The following SLC45A2 variants were observed in gnomAD, a reference collection of about 807,000 sequenced individuals.
The protein encoded by SLC45A2 is solute carrier family 45 member 2.
Under a neutral mutation model 45.5 loss-of-function variants are expected in SLC45A2, and 36 were observed. The observed-to-expected ratio is 0.79, with a 90% CI of 0.61 to 1.04. SLC45A2 has a LOEUF of 1.04. Among genes scored for constraint, SLC45A2 ranks in the 50% least tolerant of loss-of-function variants. The pLI is 0.00. For missense variants in SLC45A2, 719 were observed against 671.0 expected (o/e 1.07, Z -0.79); for synonymous variants, 306 against 269.3 (o/e 1.14, Z -1.33).
At chr5:33,945,771 A>T in intron 6 of SLC45A2, 2 of 196,908 alleles carry the variant, frequency 1.0e-5, no homozygotes, top group Non-Finnish European at 1.8e-5. Context: ...CTGCGAGCTT[A>T]AATGATGATT....
intron 3 of SLC45A2, 174 bp downstream of exon 3, chr5:33,963,517 T>A: frequency 1.4e-6 from 1 of 697,054 alleles, no homozygotes; most frequent in Non-Finnish European, 2.4e-6. Context: ...ACATTTTTCT[T>A]TGAGATATAA....
Position 33,984,398 on chromosome 5 carries a change from G to A in SLC45A2, c.186C>T (p.Ser62=). Residue 62 remains serine, a synonymous_variant, in exon 1 of 7, where the codon AGC becomes AGT. Transcript: ENST00000296589. ...EAAYVTPVLL[S]VGLPSSLYSI... ...TGTACAGGCTGCTGGGCAGACCTAC[G>A]CTGAGCAGGACTGGGGTCACATACG... 1 of 1,613,386 alleles carries A rather than the reference G, an allele frequency of 6.2e-7. No homozygotes were observed. The highest frequency in any genetic ancestry group is 1.1e-5 in the South Asian group (1 of 90,962).
rs1002021205 is a variant in SLC45A2 at position 33,956,978 on chromosome 5, T to C, written c.889-2474A>G. On this transcript the variant is annotated intron_variant, in intron 3 of 6. Coordinates refer to ENST00000296589, the MANE Select transcript of SLC45A2 (RefSeq NM_016180.5). ...TTTAGGAAGGCCCATCCCACACACATATATGTAAAAAATGAATATATAGGC... is the reference window on the plus strand; with the variant it reads ...TTTAGGAAGGCCCATCCCACACACACATATGTAAAAAATGAATATATAGGC... Among the ~76,000 whole-genome samples, 8 of 152,248 alleles carry C rather than the reference T, an allele frequency of 5.3e-5. No homozygotes were observed. In the South Asian group the frequency reaches 6.2e-4, roughly 12 times the overall value.
At chr5:33,974,810 CAAGA>C (rs1752877653) in intron 2 of SLC45A2, among the ~76,000 whole-genome samples, 1 of 152,028 alleles carries the variant, frequency 6.6e-6, no homozygotes, top group South Asian at 2.1e-4. Flanking sequence ...AGAGAGATTG[CAAGA>C]AAGACAAGAG....
intron 2 of SLC45A2, 60 bp from the exon 3 acceptor site, chr5:33,964,076 G>T (rs1752531275): frequency 1.9e-6 from 3 of 1,539,040 alleles, no homozygotes; most frequent in South Asian, 2.3e-5. Context: ...TTTTCCTCAT[G>T]CATAGACACT....
At chr5:33,971,173 C>A (rs1448931152) in intron 2 of SLC45A2, 1 of 531,380 alleles carries the variant, frequency 1.9e-6, no homozygotes, top group Non-Finnish European at 3.9e-6. Context: ...TAGGGCTACA[C>A]TAACTATCAT....
At chr5:33,975,675 C>T (rs549286534) in intron 2 of SLC45A2, among the ~76,000 whole-genome samples, 1 of 152,288 alleles carries the variant, frequency 6.6e-6, no homozygotes, top group South Asian at 2.1e-4. Flanking sequence ...ATTGCTCCTT[C>T]CTTTTTGCTA....
At chr5:33,947,521 T>A in intron 5 of SLC45A2, 147 bp from the exon 6 acceptor site, 2 of 808,712 alleles carry the variant, frequency 2.5e-6, no homozygotes, top group Non-Finnish European at 4.0e-6. Flanking sequence ...ATCTGTGGGT[T>A]GAAAACAGCT....
chr5:33,945,905 A>T (rs1017276081), intron 6 of SLC45A2: 1 of 939,424 alleles, frequency 1.1e-6, no homozygotes, highest in Non-Finnish European at 1.3e-6. Context: ...TGCCGGAAAG[A>T]TTAACAAAAA....
intron 6 of SLC45A2, chr5:33,946,729 C>A: frequency 9.4e-7 from 1 of 1,067,116 alleles, no homozygotes; most frequent in Non-Finnish European, 1.1e-6. Context: ...AGAAATTCCA[C>A]TATGTACCTC....
intron 3 of SLC45A2, among the ~76,000 whole-genome samples, chr5:33,962,911 A>G (rs1167205923): frequency 2.0e-5 from 3 of 152,208 alleles, no homozygotes; most frequent in Non-Finnish European, 4.4e-5. Context: ...TTTGGCATTC[A>G]ATTTTAGCTT....
intron 5 of SLC45A2, among the ~76,000 whole-genome samples, chr5:33,949,440 G>T (rs1752033190): frequency 6.6e-6 from 1 of 152,154 alleles, no homozygotes; most frequent in Non-Finnish European, 1.5e-5. Flanking sequence ...AGCAGTTCAG[G>T]CAGAAGAAAC....
chr5:33,984,537 A>G lies in SLC45A2; in HGVS notation c.47T>C (p.Leu16Pro). ...GQAGRHIYKS[L>P]ADDGPFDSVE... ...AGAGTCAAAGGGGCCATCATCAGCT[A>G]GGGATTTATAGATGTGGCGGCCAGC... Residue 16 changes from leucine (L) to proline (P), a missense_variant, in exon 1 of 7, where the codon CTA becomes CCA. Leu to Pro is a moderately conservative substitution (Grantham distance 98). Coordinates refer to ENST00000296589, the MANE Select transcript of SLC45A2 (RefSeq NM_016180.5). The G allele has an allele frequency of 6.2e-7, 1 of 1,612,730 alleles. No individual in the cohort carries two copies.
chr5:33,960,029 G>A (rs968447291), intron 3 of SLC45A2, among the ~76,000 whole-genome samples: 7 of 151,980 alleles, frequency 4.6e-5, no homozygotes, highest in East Asian at 1.9e-4. Flanking sequence ...ATAAAGTACC[G>A]TTTTTAAATT....
intron 2 of SLC45A2, among the ~76,000 whole-genome samples, chr5:33,973,405 A>G (rs971667480): frequency 6.6e-6 from 1 of 152,188 alleles, no homozygotes; most frequent in African/African-American, 2.4e-5. Flanking sequence ...GTGAAAGTCT[A>G]CCATGGGTGG....
chr5:33,947,252 G>T lies in SLC45A2; in HGVS notation c.1279C>A (p.Leu427Met), dbSNP rs764644063. Reference sequence around the variant, plus strand: ...GACATTACACCAAACAGGCTGCACAGGACCAGGGTGGAGTAGACATTCGGG... The same window carrying T: ...GACATTACACCAAACAGGCTGCACATGACCAGGGTGGAGTAGACATTCGGG... Reference protein sequence around the residue: ...LFPNVYSTLVLCSLFGVMSST... With the variant: ...LFPNVYSTLVMCSLFGVMSST... Residue 427 changes from leucine to methionine, a missense_variant, in exon 6 of 7, where the codon CTG (leucine) becomes ATG (methionine). Physicochemically the swap from Leu to Met is conservative, Grantham distance 15 (BLOSUM62 2). Coordinates refer to ENST00000296589, the MANE Select transcript of SLC45A2 (RefSeq NM_016180.5). 1.9e-6 allele frequency: 3 copies of T among 1,614,220 alleles called. No homozygotes were observed. The South Asian group carries it at 3.3e-5, about 18-fold the overall frequency.
rs987396058 is a variant in SLC45A2 at position 33,947,336 on chromosome 5, C to G, written c.1195G>C (p.Gly399Arg). The G allele has an allele frequency of 6.2e-7, 1 of 1,614,120 alleles. No homozygotes were observed. Among genetic ancestry groups the G allele is most frequent in the African/African-American group, 1.3e-5 (1 of 75,008 alleles). Residue 399 changes from glycine to arginine, a missense_variant, in exon 6 of 7, where the codon GGT becomes CGT. Transcript: ENST00000296589. The stretch of plus-strand genomic sequence containing the variant: ...AGCAAATATCCCGTGAAGTAAAGAC[C>G]CTTTAATCCAATGTAGGATACCAAA... ...KVLVSYIGLK[G>R]LYFTGYLLFG...
chr5:33,972,958 C>G (rs541203963), intron 2 of SLC45A2, among the ~76,000 whole-genome samples: 1 of 152,238 alleles, frequency 6.6e-6, no homozygotes, highest in East Asian at 1.9e-4. Context: ...TATTTTATAT[C>G]ATTTGTTTCC....
chr5:33,970,093 T>C (rs558234814), intron 2 of SLC45A2, among the ~76,000 whole-genome samples: 69 of 152,112 alleles, frequency 4.5e-4, no homozygotes, highest in Non-Finnish European at 8.7e-4. Context: ...AGACTAGAAG[T>C]CATCAGCTGA....
Sources: allele counts gnomAD v4.1 joint callset (sites outside exome capture counted in the v4.1 genomes callset), GRCh38; gene constraint gnomAD v4.1.1; transcripts MANE v1.5; gene names NCBI Gene and HGNC (gene_info 2026-07-23, HGNC 2026-07-21).